The following SORCS3 variants were observed in gnomAD, a reference collection of about 807,000 sequenced individuals.
SORCS3 encodes VPS10 domain-containing receptor SorCS3.
Under a neutral mutation model 146.3 loss-of-function variants are expected in SORCS3, and 57 were observed. That is an observed-to-expected ratio of 0.39 (90% CI 0.31 to 0.49). The LOEUF (loss-of-function observed/expected upper bound fraction) is 0.49, where lower values mean the gene tolerates loss of function less well. Among genes scored for constraint, SORCS3 ranks in the 20% least tolerant of loss-of-function variants. SORCS3 has a pLI of 0.92. For synonymous variants in SORCS3, 653 were observed against 618.5 expected, an observed-to-expected ratio of 1.06 and a Z score of -0.83; for missense variants, 1,341 against 1,575.5, an observed-to-expected ratio of 0.85 and a Z score of 2.52.
intron 1 of SORCS3, among the ~76,000 whole-genome samples, chr10:104,830,205 A>C (rs2017984852): frequency 6.6e-6 from 1 of 152,174 alleles, no homozygotes; most frequent in South Asian, 2.1e-4. Context: ...TTCCAGCTTC[A>C]TCCATGTCCC....
At position 105,186,620 on chromosome 10, in the gene SORCS3, C is replaced by T. The variant is rs899683468; in HGVS notation, c.2009+8447C>T. Among the ~76,000 whole-genome samples, 4 of 152,174 alleles carry T rather than the reference C, an allele frequency of 2.6e-5. 1 individual carries two copies. Among genetic ancestry groups the T allele is most frequent in the South Asian group, 2.1e-4 (1 of 4,818 alleles). ...TATCTTAACCGGGTGCGGTGGCTCA[C>T]ACCTGTAATCCCAGCACTTTGGGAG... On this transcript the variant is annotated intron_variant, in intron 14 of 26. Coordinates refer to ENST00000369701, the MANE Select transcript of SORCS3 (RefSeq NM_014978.3).
intron 3 of SORCS3, among the ~76,000 whole-genome samples, chr10:104,974,619 A>C (rs1385167484): frequency 6.6e-6 from 1 of 152,160 alleles, no homozygotes; most frequent in Non-Finnish European, 1.5e-5. Context: ...TCTTGAATAC[A>C]GCATACTGAT....
intron 3 of SORCS3, among the ~76,000 whole-genome samples, chr10:104,940,204 T>C (rs868352834): frequency 1.9e-5 from 1 of 52,998 alleles, no homozygotes; most frequent in Admixed American, 2.7e-4. Context: ...TCCTTTTCTT[T>C]TATATATATA....
At chr10:105,234,759 GT>G (rs2056783668) in intron 20 of SORCS3, among the ~76,000 whole-genome samples, 1 of 151,496 alleles carries the variant, frequency 6.6e-6, no homozygotes, top group African/African-American at 2.4e-5. Context: ...TTGCTCATCT[GT>G]TTTGGCATGC....
At chr10:104,703,308 A>G (rs1246758309) in intron 1 of SORCS3, among the ~76,000 whole-genome samples, 3 of 152,176 alleles carry the variant, frequency 2.0e-5, no homozygotes, top group Non-Finnish European at 4.4e-5. Context: ...GTCTTCCACA[A>G]TGGTTGAACT....
In SORCS3 at chr10:104,868,733, G is replaced by A. The variant is rs141558414; in HGVS notation, c.695+25874G>A. 4.6e-3 allele frequency among the ~76,000 whole-genome samples: 708 copies of A among 152,304 alleles called. 5 individuals carry two copies. Among genetic ancestry groups the A allele is most frequent in the African/African-American group, 0.016 (684 of 41,578 alleles). On this transcript the variant is annotated intron_variant, in intron 2 of 26. Coordinates refer to ENST00000369701, the MANE Select transcript of SORCS3 (RefSeq NM_014978.3). ...GTCATTTATATGGAGCTCGATGCTGGGAATTTGAGTCCCTGAGCTCAGCTT... is the reference window on the plus strand; with the variant it reads ...GTCATTTATATGGAGCTCGATGCTGAGAATTTGAGTCCCTGAGCTCAGCTT...
At chr10:104,991,479 C>G (rs2054993679) in intron 4 of SORCS3, among the ~76,000 whole-genome samples, 1 of 150,768 alleles carries the variant, frequency 6.6e-6, no homozygotes, top group Non-Finnish European at 1.5e-5. Context: ...CTATGTCTTT[C>G]TATGTCCTGA....
chr10:105,034,783 G>T (rs1344079340), intron 4 of SORCS3, among the ~76,000 whole-genome samples: 3 of 152,184 alleles, frequency 2.0e-5, no homozygotes, highest in African/African-American at 7.2e-5. Context: ...GGCACAGTCT[G>T]CTAGAATTGC....
At chr10:105,220,428 C>G (rs563596064) in intron 19 of SORCS3, among the ~76,000 whole-genome samples, 1 of 152,280 alleles carries the variant, frequency 6.6e-6, no homozygotes, top group Non-Finnish European at 1.5e-5. Context: ...ACACTGTCAG[C>G]TTTCACTGAG....
intron 16 of SORCS3, among the ~76,000 whole-genome samples, chr10:105,207,903 G>T (rs1036749036): frequency 1.3e-5 from 2 of 152,088 alleles, no homozygotes; most frequent in Non-Finnish European, 2.9e-5. Flanking sequence ...TTGAGAGAGA[G>T]CACCCTTCCT....
intron 14 of SORCS3, among the ~76,000 whole-genome samples, chr10:105,199,676 G>A (rs2056563170): frequency 6.6e-6 from 1 of 152,108 alleles, no homozygotes; most frequent in Non-Finnish European, 1.5e-5. Context: ...GGTTTTATAT[G>A]GGTGTTGAGT....
chr10:104,642,932 C>T (rs1336681188), intron 1 of SORCS3, among the ~76,000 whole-genome samples: 2 of 152,216 alleles, frequency 1.3e-5, no homozygotes, highest in African/African-American at 2.4e-5. Context: ...GCAGCTGCAG[C>T]GGCCCGCAGC....
chr10:105,001,561 C>T (rs949159438), intron 4 of SORCS3, among the ~76,000 whole-genome samples: 1 of 152,176 alleles, frequency 6.6e-6, no homozygotes, highest in Non-Finnish European at 1.5e-5. Context: ...TGAAATAGCA[C>T]TTTCCATTGC....
intron 14 of SORCS3, among the ~76,000 whole-genome samples, chr10:105,186,718 A>C (rs1437869995): frequency 6.6e-6 from 1 of 151,952 alleles, no homozygotes; most frequent in Non-Finnish European, 1.5e-5. Flanking sequence ...CCCCGTCTCT[A>C]CTAAAAAATA....
chr10:105,030,425 C>T (rs1367831926), intron 4 of SORCS3, among the ~76,000 whole-genome samples: 2 of 152,144 alleles, frequency 1.3e-5, no homozygotes, highest in Non-Finnish European at 2.9e-5. Flanking sequence ...TGGCTGTGCT[C>T]ACCTAATGGT....
chr10:104,649,810 G>A (rs1317252549), intron 1 of SORCS3, among the ~76,000 whole-genome samples: 1 of 152,082 alleles, frequency 6.6e-6, no homozygotes, highest in East Asian at 1.9e-4. Context: ...ACATTATTTC[G>A]GGGCTTTTAT....
chr10:104,678,440 G>A (rs756786396), intron 1 of SORCS3, among the ~76,000 whole-genome samples: 3 of 152,176 alleles, frequency 2.0e-5, no homozygotes, highest in Non-Finnish European at 2.9e-5. Flanking sequence ...AAAACCATCT[G>A]AGTCTGGTAA....
rs76564000 is a variant in SORCS3 at position 104,839,367 on chromosome 10, C to T, written c.628-3425C>T. 9.3e-3 allele frequency among the ~76,000 whole-genome samples: 1,411 copies of T among 152,250 alleles called. 17 individuals carry two copies. The highest frequency in any genetic ancestry group is 0.032 in the African/African-American group (1,333 of 41,556). On this transcript the variant is annotated intron_variant, in intron 1 of 26. Transcript: ENST00000369701. Reference sequence around the variant, plus strand: ...GAAAGGGGTGGGCTTTTGACTGTTGCTCCAACATCAGGCAGGCAAGTACAG... The same window carrying T: ...GAAAGGGGTGGGCTTTTGACTGTTGTTCCAACATCAGGCAGGCAAGTACAG...
At chr10:105,024,043 C>T (rs1287911142) in intron 4 of SORCS3, among the ~76,000 whole-genome samples, 1 of 152,030 alleles carries the variant, frequency 6.6e-6, no homozygotes, top group Non-Finnish European at 1.5e-5. Context: ...CCTGTCCCAG[C>T]CGAATTATGT....
Sources: allele counts gnomAD v4.1 joint callset (sites outside exome capture counted in the v4.1 genomes callset), GRCh38; gene constraint gnomAD v4.1.1; transcripts MANE v1.5; gene names NCBI Gene and HGNC (gene_info 2026-07-23, HGNC 2026-07-21).